The following PTPRD variants were observed in gnomAD, a reference collection of about 807,000 sequenced individuals.
The protein encoded by PTPRD is receptor-type tyrosine-protein phosphatase delta.
A neutral mutation model predicts 214.5 loss-of-function variants in PTPRD; 34 were observed. The ratio of observed to expected loss-of-function variants is 0.16; its 90% confidence interval spans 0.12 to 0.21. PTPRD has a LOEUF of 0.21. PTPRD is among the 10% of genes least tolerant of loss of function. PTPRD has a pLI of 1.00. For synonymous variants in PTPRD, 1,128 were observed against 845.7 expected (o/e 1.33, Z -5.79); for missense variants, 2,545 against 2,398.7 (o/e 1.06, Z -1.27).
At chr9:10,610,643 T>C (rs1433301857) in intron 2 of PTPRD, among the ~76,000 whole-genome samples, 1 of 152,118 alleles carries the variant, frequency 6.6e-6, no homozygotes, top group Admixed American at 6.6e-5. Context: ...TTTAAACCAA[T>C]AATAGAAATG....
chr9:8,426,062 A>G (rs2094645920), intron 35 of PTPRD, among the ~76,000 whole-genome samples: 1 of 152,170 alleles, frequency 6.6e-6, no homozygotes, highest in Admixed American at 6.5e-5. Context: ...TATAGAAGAT[A>G]AAAATCACTT....
intron 9 of PTPRD, among the ~76,000 whole-genome samples, chr9:9,269,833 G>C (rs142736273): frequency 2.5e-4 from 38 of 151,364 alleles, no homozygotes; most frequent in South Asian, 4.1e-4. Flanking sequence ...AGAGTAGAAG[G>C]ATGGTAACCT....
chr9:10,148,688 TG>T (rs2099040459), intron 3 of PTPRD, among the ~76,000 whole-genome samples: 1 of 152,202 alleles, frequency 6.6e-6, no homozygotes, highest in South Asian at 2.1e-4. Flanking sequence ...ATCTCAATTT[TG>T]GCTGATAGTA....
chr9:9,706,773 A>G (rs958587923), intron 7 of PTPRD, among the ~76,000 whole-genome samples: 1 of 152,016 alleles, frequency 6.6e-6, no homozygotes, highest in African/African-American at 2.4e-5. Context: ...TGAGTATCCA[A>G]ATAATTTGTC....
chr9:9,677,806 A>G (rs1268781980), intron 7 of PTPRD, among the ~76,000 whole-genome samples: 2 of 152,124 alleles, frequency 1.3e-5, no homozygotes, highest in South Asian at 4.1e-4. Context: ...ACATGATTGT[A>G]TATCTAGAAA....
At chr9:9,300,249 C>T (rs963138304) in intron 9 of PTPRD, among the ~76,000 whole-genome samples, 1 of 151,288 alleles carries the variant, frequency 6.6e-6, no homozygotes, top group East Asian at 2.0e-4. Context: ...TTAAAATGAC[C>T]TACAGGGCCT....
At chr9:9,564,582 G>C (rs1484835049) in intron 8 of PTPRD, among the ~76,000 whole-genome samples, 1 of 152,024 alleles carries the variant, frequency 6.6e-6, no homozygotes, top group Non-Finnish European at 1.5e-5. Flanking sequence ...TTGGGTTGGA[G>C]CTTTCTTTTT....
intron 7 of PTPRD, among the ~76,000 whole-genome samples, chr9:9,729,895 T>C (rs1022019970): frequency 6.6e-6 from 1 of 152,134 alleles, no homozygotes; most frequent in Non-Finnish European, 1.5e-5. Flanking sequence ...ATAACAACTT[T>C]AATAACTGTG....
chr9:10,413,822 G>T (rs1361188948), intron 2 of PTPRD, among the ~76,000 whole-genome samples: 1 of 151,914 alleles, frequency 6.6e-6, no homozygotes, highest in Non-Finnish European at 1.5e-5. Flanking sequence ...ATGACCATCT[G>T]ATCCTCAACA....
In PTPRD at chr9:9,156,019, T is replaced by C. The variant is rs2099880887; in HGVS notation, c.-143+27285A>G. Among the ~76,000 whole-genome samples, 10 of 152,226 alleles carry C rather than the reference T, an allele frequency of 6.6e-5. No individual in the cohort carries two copies. In the South Asian group the frequency reaches 2.1e-3, roughly 32 times the overall value. On this transcript the variant is annotated intron_variant, in intron 10 of 45. Coordinates refer to ENST00000381196, the MANE Select transcript of PTPRD (RefSeq NM_002839.4). ...TACTAATAGGCTATAACAGCTCCCC[T>C]ACAAATCAATGAGGGTTATGCTTTC...
intron 26 of PTPRD, among the ~76,000 whole-genome samples, chr9:8,495,661 TA>T (rs1563821765): frequency 6.6e-6 from 1 of 152,230 alleles, no homozygotes; most frequent in African/African-American, 2.4e-5. Context: ...CATGGTTCTA[TA>T]AAAATTTTAT....
chr9:9,613,165 T>TATATATATA (rs2094627556), intron 7 of PTPRD, among the ~76,000 whole-genome samples: 1 of 140,412 alleles, frequency 7.1e-6, no homozygotes, highest in Non-Finnish European at 1.5e-5. Context: ...TATATATATA[T>TATATATATA]ATATATATGA....
At chr9:9,446,497 G>A (rs972185647) in intron 8 of PTPRD, among the ~76,000 whole-genome samples, 23 of 152,128 alleles carry the variant, frequency 1.5e-4, no homozygotes, top group Non-Finnish European at 2.9e-5. Context: ...GAATCAATGT[G>A]GCCTTTGGCA....
intron 3 of PTPRD, among the ~76,000 whole-genome samples, chr9:10,094,318 G>A (rs1477004875): frequency 6.6e-6 from 1 of 151,216 alleles, no homozygotes; most frequent in East Asian, 2.0e-4. Context: ...ACAAGTCAGA[G>A]TCACTGGATG....
intron 4 of PTPRD, among the ~76,000 whole-genome samples, chr9:9,993,416 T>C (rs1044256571): frequency 1.3e-5 from 2 of 152,276 alleles, no homozygotes; most frequent in African/African-American, 4.8e-5. Context: ...CATTCATTAG[T>C]AGTTAAAGGG....
chr9:9,566,685 G>A (rs1429869557), intron 8 of PTPRD, among the ~76,000 whole-genome samples: 3 of 152,012 alleles, frequency 2.0e-5, no homozygotes, highest in African/African-American at 4.8e-5. Context: ...TTTAAGAAAA[G>A]CTTACACTCG....
At chr9:8,514,839 G>T (rs747059422) in intron 21 of PTPRD, among the ~76,000 whole-genome samples, 8 of 152,148 alleles carry the variant, frequency 5.3e-5, no homozygotes, top group Non-Finnish European at 1.2e-4. Context: ...AAGGGACCTG[G>T]TGGGAGGTGA....
At chr9:10,268,249 C>T (rs1176712805) in intron 3 of PTPRD, among the ~76,000 whole-genome samples, 1 of 150,126 alleles carries the variant, frequency 6.7e-6, no homozygotes, top group Non-Finnish European at 1.5e-5. Context: ...ACGATCATGC[C>T]ACTGCACACC....
At chr9:9,097,435 G>C (rs943160310) in intron 10 of PTPRD, among the ~76,000 whole-genome samples, 4 of 150,242 alleles carry the variant, frequency 2.7e-5, no homozygotes, top group Admixed American at 2.0e-4. Context: ...TTGAGATGGA[G>C]TCTCGCTCTG....
Sources: allele counts gnomAD v4.1 joint callset (sites outside exome capture counted in the v4.1 genomes callset), GRCh38; gene constraint gnomAD v4.1.1; transcripts MANE v1.5; gene names NCBI Gene and HGNC (gene_info 2026-07-23, HGNC 2026-07-21).